Variants in SIK3 observed in about 807,000 individuals in gnomAD.
The protein encoded by SIK3 is serine/threonine-protein kinase SIK3.
Under a neutral mutation model 144.2 loss-of-function variants are expected in SIK3, and 28 were observed. That is an observed-to-expected ratio of 0.19 (90% CI 0.14 to 0.27). The LOEUF (loss-of-function observed/expected upper bound fraction) is 0.27. Among genes scored for constraint, SIK3 ranks in the 10% least tolerant of loss-of-function variants. SIK3 has a pLI of 1.00. For missense variants in SIK3, 1,319 were observed against 1,776.0 expected (o/e 0.74, Z 4.62); for synonymous variants, 686 against 676.3 (o/e 1.01, Z -0.22).
At chr11:117,093,688 G>C (rs1484222447) in intron 1 of SIK3, among the ~76,000 whole-genome samples, 1 of 145,234 alleles carries the variant, frequency 6.9e-6, no homozygotes, top group Non-Finnish European at 1.5e-5. Flanking sequence ...AAAAAAAAAA[G>C]TTTAACTAAT....
chr11:117,093,292 C>T (rs1955326290), intron 1 of SIK3, among the ~76,000 whole-genome samples: 2 of 152,210 alleles, frequency 1.3e-5, no homozygotes, highest in African/African-American at 4.8e-5. Flanking sequence ...TTTTAGCCCA[C>T]TTTGACTTGT....
chr11:116,933,134 CTCCTT>C lies in SIK3; in HGVS notation c.455-5759_455-5755del, dbSNP rs1947709829. Among the ~76,000 whole-genome samples the C allele has an allele frequency of 2.1e-5, 3 of 145,610 alleles. No individual in the cohort carries two copies. In the South Asian group the frequency reaches 6.7e-4, roughly 32 times the overall value. On this transcript the variant is annotated intron_variant, in intron 3 of 24. Coordinates refer to ENST00000445177, the MANE Select transcript of SIK3 (RefSeq NM_001366686.3). The stretch of plus-strand genomic sequence containing the variant: ...CAAGTTGATGTGTCTATTAACCTTG[CTCCTT>C]TTTTTTTTTTTTTTCTTTTTTGAGG...
intron 15 of SIK3, among the ~76,000 whole-genome samples, chr11:116,865,483 A>C (rs1342045534): frequency 2.0e-5 from 3 of 152,122 alleles, no homozygotes; most frequent in Non-Finnish European, 4.4e-5. Context: ...TTTTATTTGC[A>C]ATCACACTCA....
chr11:116,997,769 T>C (rs887419060), intron 1 of SIK3, among the ~76,000 whole-genome samples: 21 of 152,232 alleles, frequency 1.4e-4, no homozygotes, highest in African/African-American at 4.6e-4. Context: ...ACAATGAATT[T>C]AGAGGAAAAA....
At chr11:117,076,380 C>G (rs544723308) in intron 1 of SIK3, among the ~76,000 whole-genome samples, 1 of 152,244 alleles carries the variant, frequency 6.6e-6, no homozygotes, top group African/African-American at 2.4e-5. Flanking sequence ...TGCAGACCAT[C>G]CCCCTATTTA....
At chr11:116,960,558 T>C (rs562346458) in intron 1 of SIK3, among the ~76,000 whole-genome samples, 1 of 152,150 alleles carries the variant, frequency 6.6e-6, no homozygotes, top group African/African-American at 2.4e-5. Flanking sequence ...AAAACCAAAG[T>C]GAAGCTTTAT....
intron 1 of SIK3, among the ~76,000 whole-genome samples, chr11:117,031,366 CTT>C (rs778165535): frequency 1.5e-4 from 21 of 139,502 alleles, no homozygotes; most frequent in Admixed American, 1.4e-4. Flanking sequence ...TCCTTTTTTC[CTT>C]TTTTTTTTTT....
At chr11:117,011,610 G>C (rs1372393984) in intron 1 of SIK3, among the ~76,000 whole-genome samples, 2 of 152,154 alleles carry the variant, frequency 1.3e-5, no homozygotes, top group East Asian at 3.8e-4. Flanking sequence ...TGTTAGTACT[G>C]AGAGAAGCTG....
intron 1 of SIK3, among the ~76,000 whole-genome samples, chr11:116,994,267 G>A (rs1052854991): frequency 4.6e-5 from 7 of 152,164 alleles, no homozygotes; most frequent in African/African-American, 1.7e-4. Flanking sequence ...CCAAACCTTT[G>A]TCCTAAGATC....
At chr11:117,074,884 G>A (rs182801042) in intron 1 of SIK3, among the ~76,000 whole-genome samples, 9 of 150,254 alleles carry the variant, frequency 6.0e-5, no homozygotes, top group South Asian at 4.2e-4. Context: ...TCAAGATCGC[G>A]CCATTGCACT....
At chr11:117,059,403 G>C (rs1470124767) in intron 1 of SIK3, among the ~76,000 whole-genome samples, 5 of 141,722 alleles carry the variant, frequency 3.5e-5, no homozygotes, top group African/African-American at 9.8e-5. Flanking sequence ...TAAAAACAAA[G>C]CTTAATCTAT....
chr11:116,972,169 T>C (rs1463060147), intron 1 of SIK3, among the ~76,000 whole-genome samples: 2 of 152,128 alleles, frequency 1.3e-5, no homozygotes, highest in Non-Finnish European at 2.9e-5. Flanking sequence ...GTACTATTAT[T>C]CTCATTTTAC....
At chr11:116,956,015 AT>A (rs1162181743) in intron 2 of SIK3, among the ~76,000 whole-genome samples, 1 of 152,178 alleles carries the variant, frequency 6.6e-6, no homozygotes, top group Non-Finnish European at 1.5e-5. Flanking sequence ...GCCAGTAACC[AT>A]TTACTGCAGA....
chr11:116,884,382 CT>C (rs1204602051), intron 6 of SIK3, among the ~76,000 whole-genome samples: 3 of 145,776 alleles, frequency 2.1e-5, no homozygotes, highest in African/African-American at 7.7e-5. Flanking sequence ...GAGTCTCGCT[CT>C]GTCGCCCAGG....
intron 3 of SIK3, among the ~76,000 whole-genome samples, chr11:116,941,700 T>C (rs1948314498): frequency 6.6e-6 from 1 of 152,208 alleles, no homozygotes; most frequent in Non-Finnish European, 1.5e-5. Context: ...TAATAAATCA[T>C]ACACATTTCA....
chr11:116,899,162 A>G (rs1945600774), intron 4 of SIK3, among the ~76,000 whole-genome samples: 1 of 152,132 alleles, frequency 6.6e-6, no homozygotes, highest in Admixed American at 6.5e-5. Context: ...GGTGTAAGGA[A>G]GGGATCCAGT....
intron 1 of SIK3, among the ~76,000 whole-genome samples, chr11:117,046,426 A>G (rs1040987438): frequency 8.5e-5 from 13 of 152,162 alleles, no homozygotes; most frequent in South Asian, 2.1e-4. Context: ...TAATGGGGGG[A>G]AAAAGGTGTC....
In SIK3 at chr11:116,873,625, G is replaced by C; in HGVS notation, c.1593C>G (p.Leu531=). ...TGQLEYKEQS[L]LQPPTLQLLN... ...ACAGCTGTAGCGTGGGCGGCTGTAG[G>C]AGAGACTGCTCCTGCCAGGAACAGA... is the stretch of plus-strand genomic sequence containing the variant. The change falls in exon 13 of 25, where the codon CTC becomes CTG. Residue 531 remains leucine, a synonymous_variant. Coordinates refer to ENST00000445177, the MANE Select transcript of SIK3 (RefSeq NM_001366686.3). 6.4e-7 allele frequency: 1 copy of C among 1,557,694 alleles called. No homozygotes were observed. Among genetic ancestry groups the C allele is most frequent in the South Asian group, 1.2e-5 (1 of 80,692 alleles).
rs1943692876 is a variant in SIK3 at position 116,867,196 on chromosome 11, G to A, written c.1952+750C>T. Among the ~76,000 whole-genome samples the A allele has an allele frequency of 6.6e-6, 1 of 152,206 alleles. No individual in the cohort carries two copies. On this transcript the variant is annotated intron_variant, in intron 15 of 24. Coordinates refer to ENST00000445177, the MANE Select transcript of SIK3 (RefSeq NM_001366686.3). This position sits in a 1 kb window ranked among gnomAD's most constrained non-coding sequence, Gnocchi z 4.1. ...ACTGGTGGTGGCTTTGAACGTGTGG[G>A]CCATGAGCTTGGGGATAGCTTCGGA... is the stretch of plus-strand genomic sequence containing the variant.
Sources: allele counts gnomAD v4.1 joint callset (sites outside exome capture counted in the v4.1 genomes callset), GRCh38; gene constraint gnomAD v4.1.1; non-coding constraint Gnocchi (gnomAD v3.1); transcripts MANE v1.5; gene names NCBI Gene and HGNC (gene_info 2026-07-23, HGNC 2026-07-21).